DSG3: variants seen among roughly 807,000 people sequenced by gnomAD.
DSG3 encodes desmoglein-3.
A neutral mutation model predicts 85.9 loss-of-function variants in DSG3; 63 were observed. The ratio of observed to expected loss-of-function variants is 0.73; its 90% CI spans 0.60 to 0.90. The LOEUF (loss-of-function observed/expected upper bound fraction) is 0.90. Ranked by LOEUF, DSG3 falls within the 40% of genes least tolerant of loss-of-function variation. DSG3 has a pLI of 0.00. For missense variants in DSG3, 1,220 were observed against 1,219.9 expected, an observed-to-expected ratio of 1.00 and a Z score of 0.00; for synonymous variants, 447 against 441.9, an observed-to-expected ratio of 1.01 and a Z score of -0.14.
At chr18:31,454,326 C>A (rs780019433) in intron 1 of DSG3, among the ~76,000 whole-genome samples, 3 of 152,206 alleles carry the variant, frequency 2.0e-5, no homozygotes, top group Non-Finnish European at 2.9e-5. Context: ...GCAGTTACTA[C>A]ATTTATCTGG....
chr18:31,470,525 T>G (rs963612747), intron 12 of DSG3, among the ~76,000 whole-genome samples: 1 of 151,730 alleles, frequency 6.6e-6, no homozygotes, highest in Non-Finnish European at 1.5e-5. Context: ...TTCAATATCG[T>G]ATTAATCAAG....
rs753349276 is a variant in DSG3 at position 31,469,315 on chromosome 18, C to A, written c.1863C>A (p.Ile621=). 2 of 1,613,474 alleles carry A rather than the reference C, an allele frequency of 1.2e-6. No individual in the cohort carries two copies. Among genetic ancestry groups the A allele is most frequent in the Non-Finnish European group, 8.5e-7 (1 of 1,180,032 alleles). The change falls in exon 12 of 16, where the codon ATC becomes ATA. Residue 621 remains isoleucine, a synonymous_variant. Transcript: ENST00000257189. Reference sequence around the variant, plus strand: ...CAGGGAGGCTGGGGCCTGCCGCCATCGGCCTGCTGCTCCTTGGTCTCCTGC... The same window carrying A: ...CAGGGAGGCTGGGGCCTGCCGCCATAGGCCTGCTGCTCCTTGGTCTCCTGC... ...PHSGRLGPAA[I]GLLLLGLLLL...
At chr18:31,454,062 T>C (rs1350056738) in intron 1 of DSG3, among the ~76,000 whole-genome samples, 1 of 152,180 alleles carries the variant, frequency 6.6e-6, no homozygotes. Flanking sequence ...TTCTAAATAA[T>C]GTAAGGCTGT....
chr18:31,464,462 T>C, intron 9 of DSG3, 80 bp downstream of exon 9: 1 of 1,414,502 alleles, frequency 7.1e-7, no homozygotes, highest in Non-Finnish European at 9.5e-7. Context: ...CATAAACTAT[T>C]ATGTGCCAAG....
chr18:31,476,004 C>A lies in DSG3; in HGVS notation c.2744C>A (p.Ser915Tyr), dbSNP rs763571253. Residue 915 changes from serine (S) to tyrosine (Y), a missense_variant, in exon 16 of 16, where the codon TCT (serine) becomes TAT (tyrosine). Coordinates refer to ENST00000257189, the MANE Select transcript of DSG3 (RefSeq NM_001944.3). ...QGASALSTSGSVQPAVSIPDP... is the reference protein window; with the variant it reads ...QGASALSTSGYVQPAVSIPDP... ...GCTTCTGCTTTGTCCACCTCTGGGT[C>A]TGTCCAGCCAGCTGTTTCCATCCCT... The A allele has an allele frequency of 6.2e-7, 1 of 1,614,106 alleles. No homozygotes were observed. Among genetic ancestry groups the A allele is most frequent in the African/African-American group, 1.3e-5 (1 of 74,932 alleles).
In DSG3 at chr18:31,475,870, T is replaced by C; in HGVS notation, c.2610T>C (p.Val870=). Residue 870 remains valine, a synonymous_variant, in exon 16 of 16, where the codon GTT becomes GTC. Transcript: ENST00000257189. ...GTGTTGATGGTGAAGGCAAAGAAGT[T>C]CAGCCACCCTCTAAAGACAGCGGTT... ...SLGVDGEGKE[V]QPPSKDSGYG... 6.2e-7 allele frequency: 1 copy of C among 1,614,192 alleles called. No homozygotes were observed. The highest frequency in any genetic ancestry group is 1.6e-4 in the Middle Eastern group (1 of 6,062).
At position 31,477,368 on chromosome 18, in the gene DSG3, A is replaced by G. The variant is rs547821759; in HGVS notation, c.*1108A>G. ...ATGTCAGTGAGTAGATGTAGCATAC[A>G]TATGATGTATAATGACGTGTATTAT... is the stretch of plus-strand genomic sequence containing the variant. On this transcript the variant is annotated 3_prime_UTR_variant, in exon 16 of 16. Transcript: ENST00000257189. 28 of 152,360 alleles carry G rather than the reference A, an allele frequency of 1.8e-4. No homozygotes were observed. The highest frequency in any genetic ancestry group is 4.8e-4 in the African/African-American group (20 of 41,584). The allele number at this position is 152,360 out of a possible 1,614,324, so 9.4% of individuals were successfully genotyped here.
chr18:31,452,517 CAAAAAAAAAAAAAAAAA>C (rs35886860), intron 1 of DSG3, among the ~76,000 whole-genome samples: 5 of 51,834 alleles, frequency 9.6e-5, no homozygotes, highest in Non-Finnish European at 2.0e-4. Flanking sequence ...GACTCCGTCT[CAAAAAAAAAAAAAAAAA>C]AAAAAAAAAA....
At chr18:31,450,547 A>T (rs1332997121) in intron 1 of DSG3, among the ~76,000 whole-genome samples, 1 of 152,178 alleles carries the variant, frequency 6.6e-6, no homozygotes, top group Non-Finnish European at 1.5e-5. Flanking sequence ...TTGTTGTTGC[A>T]GGGTGGGTTC....
At position 31,460,830 on chromosome 18, in the gene DSG3, T is replaced by G; in HGVS notation, c.685-3T>G. 1.3e-6 allele frequency: 2 copies of G among 1,567,308 alleles called. No homozygotes were observed. The highest frequency in any genetic ancestry group is 1.7e-6 in the Non-Finnish European group (2 of 1,165,802). On this transcript the variant is annotated splice_region_variant and splice_polypyrimidine_tract_variant and intron_variant, in intron 6 of 15. Transcript: ENST00000257189. Reference sequence around the variant, plus strand: ...TTTTTCTTTATTTTTTATCCAAAATTAGCAAGCTAGCAGCTATCGTCTGGT... The same window carrying G: ...TTTTTCTTTATTTTTTATCCAAAATGAGCAAGCTAGCAGCTATCGTCTGGT...
chr18:31,459,709 A>G, intron 5 of DSG3, 136 bp from the exon 6 acceptor site: 1 of 820,710 alleles, frequency 1.2e-6, no homozygotes, highest in South Asian at 1.9e-5. Context: ...CACAAGTGAT[A>G]TACAATTTTT....
chr18:31,453,271 C>A (rs1598774336), intron 1 of DSG3, among the ~76,000 whole-genome samples: 1 of 152,146 alleles, frequency 6.6e-6, no homozygotes, highest in East Asian at 1.9e-4. Context: ...TACAAATTTC[C>A]CCAAGAATCC....
At chr18:31,462,038 T>G (rs945529350) in intron 8 of DSG3, among the ~76,000 whole-genome samples, 32 of 152,026 alleles carry the variant, frequency 2.1e-4, no homozygotes, top group African/African-American at 6.5e-4. Flanking sequence ...GTTTTTGTTT[T>G]TTGTTGTTGT....
At chr18:31,455,616 G>A (rs16961954) in intron 1 of DSG3, among the ~76,000 whole-genome samples, 40,794 of 152,100 alleles carry the variant, frequency 0.27, 6,045 homozygotes, top group African/African-American at 0.41. Context: ...GATGGATCTG[G>A]AAGGATGAGC....
rs1252202828 is a variant in DSG3, at chr18:31,477,802, T to C, written c.*1542T>C. The C allele has an allele frequency of 6.6e-6, 1 of 152,238 alleles. No individual in the cohort carries two copies. The highest frequency in any genetic ancestry group is 1.5e-5 in the Non-Finnish European group (1 of 68,036). 9.4% of individuals were successfully genotyped at this position (152,238 alleles called of 1,614,324 possible). A position where few individuals can be genotyped will look rare whatever the true frequency, so the allele number is the denominator to read the frequency against. ...ACCCTACCTCACCTGCTTACTGACA[T>C]TGTCTTAGCTGATCACAAGATCATT... is the stretch of plus-strand genomic sequence containing the variant. On this transcript the variant is annotated 3_prime_UTR_variant, in exon 16 of 16. Coordinates refer to ENST00000257189, the MANE Select transcript of DSG3 (RefSeq NM_001944.3).
At position 31,474,244 on chromosome 18, in the gene DSG3, T is replaced by G; in HGVS notation, c.2225T>G (p.Val742Gly). The G allele has an allele frequency of 6.2e-7, 1 of 1,614,138 alleles. No individual in the cohort carries two copies. Among genetic ancestry groups the G allele is most frequent in the Non-Finnish European group, 8.5e-7 (1 of 1,180,020 alleles). Reference sequence around the variant, plus strand: ...GCTGCAGGCTTTGCAACAGGGACAGTGTCAGGAGCTGCTTCAGGATTCGGA... The same window carrying G: ...GCTGCAGGCTTTGCAACAGGGACAGGGTCAGGAGCTGCTTCAGGATTCGGA... ...GGAAGFATGT[V>G]SGAASGFGAA... The change falls in exon 15 of 16, where the codon GTG (valine) becomes GGG (glycine). Residue 742 changes from valine (V) to glycine (G), a missense_variant. Val to Gly is a moderately radical substitution (Grantham distance 109). Transcript: ENST00000257189.
rs376501967 is a variant in DSG3 at position 31,464,126 on chromosome 18, C to G, written c.1015C>G (p.Gln339Glu). 1 of 1,612,210 alleles carries G rather than the reference C, an allele frequency of 6.2e-7. No individual in the cohort carries two copies. Among genetic ancestry groups the G allele is most frequent in the African/African-American group, 1.3e-5 (1 of 74,812 alleles). ...TTTTCTCCAGGCTCTAGATTATGAA[C>G]AACTACAAAGCGTGAAACTTAGTAT... is the stretch of plus-strand genomic sequence containing the variant. ...LKVVKALDYE[Q>E]LQSVKLSIAV... The change falls in exon 9 of 16, where the codon CAA (glutamine) becomes GAA (glutamate). Residue 339 changes from glutamine to glutamate, a missense_variant. Transcript: ENST00000257189.
rs2072774030 is a variant in DSG3, at chr18:31,460,016, A to G, written c.684+5A>G. On this transcript the variant is annotated splice_donor_5th_base_variant and intron_variant, in intron 6 of 15. Transcript: ENST00000257189. ...ACCAATTCTCTTGACCGAGAGGTAC[A>G]GCAAAGCACTTGGGGGAACATTCAA... 1 of 1,610,672 alleles carries G rather than the reference A, an allele frequency of 6.2e-7. No individual in the cohort carries two copies. The highest frequency in any genetic ancestry group is 8.5e-7 in the Non-Finnish European group (1 of 1,178,270).
Position 31,475,956 on chromosome 18 carries a change from A to G in DSG3, c.2696A>G (p.Gln899Arg). 6.2e-7 allele frequency: 1 copy of G among 1,614,226 alleles called. No homozygotes were observed. Among genetic ancestry groups the G allele is most frequent in the Non-Finnish European group, 8.5e-7 (1 of 1,180,036 alleles). Reference sequence around the variant, plus strand: ...CAGCAGACAGGATTTGTTAAGTGCCAGACTTTGTCAGGAAGTCAAGGAGCT... The same window carrying G: ...CAGCAGACAGGATTTGTTAAGTGCCGGACTTTGTCAGGAAGTCAAGGAGCT... ...EVQQTGFVKC[Q>R]TLSGSQGASA... The change falls in exon 16 of 16, where the codon CAG becomes CGG. Residue 899 changes from glutamine to arginine, a missense_variant. Gln to Arg is a conservative substitution (Grantham distance 43). Coordinates refer to ENST00000257189, the MANE Select transcript of DSG3 (RefSeq NM_001944.3).
Sources: allele counts gnomAD v4.1 joint callset (sites outside exome capture counted in the v4.1 genomes callset), GRCh38; gene constraint gnomAD v4.1.1; transcripts MANE v1.5; gene names NCBI Gene and HGNC (gene_info 2026-07-23, HGNC 2026-07-21).